The following CNTNAP5 variants were observed in gnomAD, a reference collection of about 807,000 sequenced individuals.
CNTNAP5 encodes the protein contactin associated protein family member 5, also known as contactin-associated protein-like 5.
Under a neutral mutation model 150.2 loss-of-function variants are expected in CNTNAP5, and 72 were observed. That is an observed-to-expected ratio of 0.48 (90% confidence interval 0.40 to 0.58). The LOEUF (loss-of-function observed/expected upper bound fraction) is 0.58. Among genes scored for constraint, CNTNAP5 ranks in the 20% least tolerant of loss-of-function variants. The pLI is 0.00. For missense variants in CNTNAP5, 1,636 were observed against 1,626.2 expected (o/e 1.01, Z -0.10); for synonymous variants, 672 against 619.8 (o/e 1.08, Z -1.25).
At chr2:124,212,125 A>C (rs1382088725) in intron 1 of CNTNAP5, among the ~76,000 whole-genome samples, 1 of 152,220 alleles carries the variant, frequency 6.6e-6, no homozygotes, top group Admixed American at 6.5e-5. Context: ...TATTCAATGC[A>C]TAATCATCTG....
chr2:124,816,782 C>A (rs996208087), intron 19 of CNTNAP5, among the ~76,000 whole-genome samples: 2 of 152,092 alleles, frequency 1.3e-5, no homozygotes, highest in African/African-American at 4.8e-5. Flanking sequence ...ATGGCTGCAG[C>A]TTGCTTTTTT....
At chr2:124,897,936 AGTGTGTGTGTGTGTGTGTGT>A (rs56154943) in intron 21 of CNTNAP5, among the ~76,000 whole-genome samples, 11 of 142,000 alleles carry the variant, frequency 7.7e-5, no homozygotes, top group Non-Finnish European at 1.2e-4. Context: ...GCAAATGCCA[AGTGTGTGTGTGTGTGTGTGT>A]GTGTGTGTGT....
rs750681732 is a variant in CNTNAP5 at position 124,904,817 on chromosome 2, A to AAT, written c.3655+1728_3655+1729dup. On this transcript the variant is annotated intron_variant, in intron 22 of 23. Coordinates refer to ENST00000682447, the MANE Select transcript of CNTNAP5 (RefSeq NM_001367498.1). ...AGATCTCCTTAATATTGGTCTTGAA[A>AAT]ATATATATATATGTTTACATGACAC... Among the ~76,000 whole-genome samples, 12 of 151,732 alleles carry AAT rather than the reference A, an allele frequency of 7.9e-5. No individual in the cohort carries two copies. The South Asian group carries it at 1.7e-3, about 21-fold the overall frequency.
At chr2:124,159,707 A>G (rs1202235925) in intron 1 of CNTNAP5, among the ~76,000 whole-genome samples, 1 of 152,206 alleles carries the variant, frequency 6.6e-6, no homozygotes, top group Non-Finnish European at 1.5e-5. Flanking sequence ...CTTCAAGGGT[A>G]TAGCTAAAAA....
At chr2:124,599,684 A>T (rs1696935396) in intron 11 of CNTNAP5, among the ~76,000 whole-genome samples, 1 of 152,086 alleles carries the variant, frequency 6.6e-6, no homozygotes. Context: ...GAAACCATTT[A>T]CTCTCACAAT....
chr2:124,905,216 C>T (rs1678511021), intron 22 of CNTNAP5, among the ~76,000 whole-genome samples: 1 of 149,678 alleles, frequency 6.7e-6, no homozygotes, highest in Non-Finnish European at 1.5e-5. Flanking sequence ...AAATGCAAAC[C>T]AAAACCACAA....
chr2:124,762,892 A>G (rs941756102), intron 14 of CNTNAP5, among the ~76,000 whole-genome samples: 3 of 151,996 alleles, frequency 2.0e-5, no homozygotes, highest in Non-Finnish European at 4.4e-5. Context: ...TTTTTGGGGG[A>G]AAAATACCTA....
chr2:124,318,997 G>A (rs1001335290), intron 3 of CNTNAP5, among the ~76,000 whole-genome samples: 1 of 152,060 alleles, frequency 6.6e-6, no homozygotes, highest in South Asian at 2.1e-4. Context: ...AAACCTCCTG[G>A]GATAGTTTTT....
chr2:124,568,046 T>C (rs935813948), intron 11 of CNTNAP5, among the ~76,000 whole-genome samples: 3 of 152,188 alleles, frequency 2.0e-5, no homozygotes, highest in African/African-American at 7.2e-5. Context: ...CAAGAGAATC[T>C]GCGTGTTGAT....
intron 11 of CNTNAP5, among the ~76,000 whole-genome samples, chr2:124,598,731 C>A (rs1437519089): frequency 1.4e-4 from 21 of 152,276 alleles, no homozygotes; most frequent in African/African-American, 4.6e-4. Context: ...TGGCGGGCGC[C>A]CCTCCCCCAG....
intron 1 of CNTNAP5, among the ~76,000 whole-genome samples, chr2:124,046,433 G>A (rs11689913): frequency 2.1e-3 from 276 of 134,490 alleles, no homozygotes; most frequent in South Asian, 3.0e-3. Flanking sequence ...ACAAAAGAGA[G>A]AAAAAAAAAA....
chr2:124,680,533 T>C (rs1679042805), intron 13 of CNTNAP5, among the ~76,000 whole-genome samples: 1 of 151,846 alleles, frequency 6.6e-6, no homozygotes, highest in African/African-American at 2.4e-5. Flanking sequence ...CACTTTGGTT[T>C]CTCTAGGCCA....
intron 13 of CNTNAP5, among the ~76,000 whole-genome samples, chr2:124,658,037 C>T (rs188273186): frequency 6.6e-6 from 1 of 152,140 alleles, no homozygotes; most frequent in Non-Finnish European, 1.5e-5. Flanking sequence ...TCTTTATTCC[C>T]AAAATGCTTA....
At chr2:124,176,566 C>T (rs1388111137) in intron 1 of CNTNAP5, among the ~76,000 whole-genome samples, 1 of 152,164 alleles carries the variant, frequency 6.6e-6, no homozygotes, top group Non-Finnish European at 1.5e-5. Flanking sequence ...CAGGAGCCTT[C>T]AGAGTGAAGA....
intron 5 of CNTNAP5, among the ~76,000 whole-genome samples, chr2:124,437,277 C>T (rs1185218167): frequency 6.6e-6 from 1 of 152,138 alleles, no homozygotes; most frequent in Admixed American, 6.6e-5. Flanking sequence ...CTCCTGACTC[C>T]TCCATGATCC....
intron 1 of CNTNAP5, among the ~76,000 whole-genome samples, chr2:124,180,188 C>G (rs1001157045): frequency 3.3e-5 from 5 of 152,054 alleles, no homozygotes; most frequent in African/African-American, 7.2e-5. Flanking sequence ...TGTCAAAGAG[C>G]CTGCATGGCT....
At chr2:124,162,660 T>C (rs552414675) in intron 1 of CNTNAP5, among the ~76,000 whole-genome samples, 1 of 152,160 alleles carries the variant, frequency 6.6e-6, no homozygotes, top group African/African-American at 2.4e-5. Flanking sequence ...GAAATCAAGA[T>C]AAGGGTAAGA....
intron 13 of CNTNAP5, among the ~76,000 whole-genome samples, chr2:124,652,667 A>G (rs1412897431): frequency 6.6e-6 from 1 of 152,180 alleles, no homozygotes; most frequent in Non-Finnish European, 1.5e-5. Context: ...GCATGGGGAA[A>G]CTGAGTGCCC....
intron 1 of CNTNAP5, among the ~76,000 whole-genome samples, chr2:124,043,902 C>T (rs1681458315): frequency 6.6e-6 from 1 of 152,148 alleles, no homozygotes; most frequent in African/African-American, 2.4e-5. Flanking sequence ...TGGGTTTCTC[C>T]CAAATTAAGT....
Sources: gnomAD v4.1 joint callset for allele counts (sites outside exome capture counted in the v4.1 genomes callset) on GRCh38, gnomAD v4.1.1 for gene constraint, MANE v1.5 for transcripts, NCBI Gene and HGNC (gene_info 2026-07-23, HGNC 2026-07-21) for gene names.